Variants in GPHN observed in about 807,000 individuals in gnomAD.
The protein encoded by GPHN is gephyrin.
Under a neutral mutation model 95.5 loss-of-function variants are expected in GPHN, and 17 were observed. That is an observed-to-expected ratio of 0.18 (90% CI 0.12 to 0.27). The LOEUF (loss-of-function observed/expected upper bound fraction) is 0.27, where lower values mean the gene tolerates loss of function less well. Ranked by LOEUF, GPHN falls within the 10% of genes least tolerant of loss-of-function variation. The pLI is 1.00. For synonymous variants in GPHN, 320 were observed against 322.5 expected, an observed-to-expected ratio of 0.99 and a Z score of 0.08; for missense variants, 660 against 978.1, an observed-to-expected ratio of 0.67 and a Z score of 4.34.
chr14:66,911,086 G>T (rs950431081), intron 5 of GPHN, among the ~76,000 whole-genome samples: 44 of 151,782 alleles, frequency 2.9e-4, no homozygotes, highest in African/African-American at 1.1e-3. Context: ...ATGTGGAAAA[G>T]TTTTTTTTAA....
chr14:67,633,752 T>G, the GPHN span, among the ~76,000 whole-genome samples: 2 of 152,236 alleles, frequency 1.3e-5, no homozygotes, highest in Non-Finnish European at 2.9e-5. Context: ...CTCTTTGCAG[T>G]CCTCTAGGTG....
chr14:66,550,435 G>C (rs1436076100), intron 1 of GPHN, among the ~76,000 whole-genome samples: 1 of 152,142 alleles, frequency 6.6e-6, no homozygotes. Flanking sequence ...TGCTTCTTAT[G>C]GATAAGTAAA....
At chr14:66,894,178 A>C (rs2064693060) in intron 5 of GPHN, among the ~76,000 whole-genome samples, 1 of 152,156 alleles carries the variant, frequency 6.6e-6, no homozygotes, top group African/African-American at 2.4e-5. Flanking sequence ...AGACCACTGG[A>C]ACAGAACACA....
At position 67,107,968 on chromosome 14, in the gene GPHN, T is replaced by C. The variant is rs543236076; in HGVS notation, c.1294-2172T>C. Among the ~76,000 whole-genome samples the C allele has an allele frequency of 5.3e-5, 8 of 152,294 alleles. No homozygotes were observed. In the South Asian group the frequency reaches 1.7e-3, roughly 32 times the overall value. On this transcript the variant is annotated intron_variant, in intron 13 of 22. Transcript: ENST00000478722. Reference sequence around the variant, plus strand: ...GCCTGGGATGCGTAGGTGCTCAGCTTGGCAAAGTGTGTGCAACATACTTTC... The same window carrying C: ...GCCTGGGATGCGTAGGTGCTCAGCTCGGCAAAGTGTGTGCAACATACTTTC...
At chr14:66,827,335 A>G (rs1162261671) in intron 4 of GPHN, among the ~76,000 whole-genome samples, 1 of 151,986 alleles carries the variant, frequency 6.6e-6, no homozygotes, top group East Asian at 1.9e-4. Context: ...AGGAATAACA[A>G]AAGGCACTCT....
At chr14:67,499,743 T>C in the GPHN span, among the ~76,000 whole-genome samples, 5 of 152,094 alleles carry the variant, frequency 3.3e-5, no homozygotes, top group Non-Finnish European at 5.9e-5. Context: ...CAGAAATACT[T>C]ATGGCTCAGA....
chr14:67,264,092 G>A, the GPHN span, among the ~76,000 whole-genome samples: 1 of 152,120 alleles, frequency 6.6e-6, no homozygotes, highest in Non-Finnish European at 1.5e-5. Context: ...GAACATATAA[G>A]GTTGGTGTAA....
the GPHN span, among the ~76,000 whole-genome samples, chr14:67,406,172 T>A: frequency 6.7e-6 from 1 of 148,890 alleles, no homozygotes; most frequent in Non-Finnish European, 1.5e-5. Context: ...GACACAAGAA[T>A]CACTTGAACC....
intron 2 of GPHN, among the ~76,000 whole-genome samples, chr14:66,758,775 G>T (rs1056819403): frequency 3.3e-5 from 5 of 152,130 alleles, no homozygotes; most frequent in Non-Finnish European, 7.4e-5. Context: ...GGCAGGATTT[G>T]CAGGATAATT....
the GPHN span, among the ~76,000 whole-genome samples, chr14:67,715,977 C>G: frequency 6.6e-6 from 1 of 152,072 alleles, no homozygotes; most frequent in African/African-American, 2.4e-5. Context: ...GGGCGGATCA[C>G]GAGGTCAAGA....
rs912871496 is a variant in GPHN at position 67,181,575 on chromosome 14, A to G, written c.*638A>G. On this transcript the variant is annotated 3_prime_UTR_variant, in exon 23 of 23. Coordinates refer to ENST00000478722, the MANE Select transcript of GPHN (RefSeq NM_020806.5). ...TTATTTGAAGAAACAAACTGAAGAAAAAATGCTTCCTTAAGTGCTGACAGC... is the reference window on the plus strand; with the variant it reads ...TTATTTGAAGAAACAAACTGAAGAAGAAATGCTTCCTTAAGTGCTGACAGC... 4.5e-6 allele frequency: 2 copies of G among 447,300 alleles called. No individual in the cohort carries two copies. The highest frequency in any genetic ancestry group is 4.1e-5 in the African/African-American group (2 of 48,944). The allele number at this position is 447,300 out of a possible 1,614,324, so 27.7% of individuals were successfully genotyped here. A position where few individuals can be genotyped will look rare whatever the true frequency, so the allele number is the denominator to read the frequency against.
At chr14:67,348,353 A>G in the GPHN span, among the ~76,000 whole-genome samples, 1 of 151,976 alleles carries the variant, frequency 6.6e-6, no homozygotes. Context: ...TACAGGTGTG[A>G]GCCATCACAC....
the GPHN span, among the ~76,000 whole-genome samples, chr14:67,280,859 CCCTCCCTCCCTCCCTCCCTCCCT>C: frequency 7.7e-6 from 1 of 129,216 alleles, no homozygotes; most frequent in African/African-American, 2.9e-5. Flanking sequence ...TTCCTTCCCT[CCCTCCCTCCCTCCCTCCCTCCCT>C]TTTCTTTCTT....
the GPHN span, among the ~76,000 whole-genome samples, chr14:67,538,819 A>G: frequency 6.6e-6 from 1 of 152,280 alleles, no homozygotes; most frequent in African/African-American, 2.4e-5. Context: ...GTTCAGAACC[A>G]TGATGTTACG....
chr14:67,112,437 A>G lies in GPHN; in HGVS notation c.1472+518A>G, dbSNP rs183237511. On this transcript the variant is annotated intron_variant, in intron 15 of 22. Transcript: ENST00000478722. ...TGTTTACCCTGATTCCATTAATACT[A>G]ATTTGCTGAACATCCCTTTGTAACG... is the stretch of plus-strand genomic sequence containing the variant. 3.9e-5 allele frequency among the ~76,000 whole-genome samples: 6 copies of G among 152,318 alleles called. No homozygotes were observed. In the East Asian group the frequency reaches 9.6e-4, roughly 24 times the overall value.
At chr14:67,702,779 CAT>C in the GPHN span, among the ~76,000 whole-genome samples, 6 of 152,202 alleles carry the variant, frequency 3.9e-5, no homozygotes, top group East Asian at 5.8e-4. Flanking sequence ...TCTAAACACA[CAT>C]ATATATGCAC....
the GPHN span, chr14:67,651,272 T>C: frequency 1.9e-6 from 3 of 1,588,566 alleles, no homozygotes; most frequent in Non-Finnish European, 2.6e-6. Context: ...GGCTATACAG[T>C]GCATCCTTGA....
the GPHN span, chr14:67,642,257 A>G: frequency 4.3e-6 from 7 of 1,614,118 alleles, no homozygotes; most frequent in South Asian, 3.3e-5. Context: ...CAACAACCTG[A>G]TAGTGAATCC....
At chr14:66,777,822 C>T (rs2059439731) in intron 3 of GPHN, among the ~76,000 whole-genome samples, 1 of 152,122 alleles carries the variant, frequency 6.6e-6, no homozygotes, top group African/African-American at 2.4e-5. Flanking sequence ...TGGGACGTAT[C>T]TCAAAATAAT....
Sources: gnomAD v4.1 joint callset for allele counts (sites outside exome capture counted in the v4.1 genomes callset) on GRCh38, gnomAD v4.1.1 for gene constraint, MANE v1.5 for transcripts, NCBI Gene and HGNC (gene_info 2026-07-23, HGNC 2026-07-21) for gene names.